The following JAKMIP2 variants were observed in gnomAD, a reference collection of about 807,000 sequenced individuals.
JAKMIP2 encodes the protein janus kinase and microtubule interacting protein 2.
A neutral mutation model predicts 115.0 loss-of-function variants in JAKMIP2; 25 were observed. That is an observed-to-expected ratio of 0.22 (90% CI 0.16 to 0.30). The LOEUF (loss-of-function observed/expected upper bound fraction) is 0.30, where lower values mean the gene tolerates loss of function less well. Ranked by LOEUF, JAKMIP2 falls within the 10% of genes least tolerant of loss-of-function variation. The probability of loss-of-function intolerance (pLI) is 1.00; values close to 1 mark genes in which losing one functional copy is unlikely to be tolerated. For synonymous variants in JAKMIP2, 334 were observed against 343.6 expected (o/e 0.97, Z 0.31); for missense variants, 642 against 957.6 (o/e 0.67, Z 4.35).
chr5:147,731,529 T>G lies in JAKMIP2; in HGVS notation c.-149+50927A>C, dbSNP rs1753733626. 2.6e-5 allele frequency among the ~76,000 whole-genome samples: 4 copies of G among 152,156 alleles called. No homozygotes were observed. In the South Asian group the frequency reaches 8.3e-4, roughly 32 times the overall value. ...GTAGCAGTTTCTCAAATAACATACT[T>G]AAGTTCGTGATCTCTTAAATTAATG... On this transcript the variant is annotated intron_variant, in intron 1 of 21. Transcript: ENST00000616793.
chr5:147,734,651 AC>A (rs1434663005), intron 1 of JAKMIP2, among the ~76,000 whole-genome samples: 9 of 143,504 alleles, frequency 6.3e-5, no homozygotes, highest in Admixed American at 3.5e-4. Flanking sequence ...ATACTATAAT[AC>A]AAAAAAAAAA....
chr5:147,760,614 C>G (rs1234227742), intron 1 of JAKMIP2, among the ~76,000 whole-genome samples: 2 of 152,006 alleles, frequency 1.3e-5, no homozygotes, highest in Admixed American at 1.3e-4. Context: ...AATGGAAGCC[C>G]AACTAGGGCA....
chr5:147,661,635 C>G (rs982057034), intron 2 of JAKMIP2, 190 bp from the exon 3 acceptor site: 2 of 586,666 alleles, frequency 3.4e-6, no homozygotes, highest in Non-Finnish European at 6.0e-6. Flanking sequence ...GAGGAAATAC[C>G]TGAGGATATT....
intron 18 of JAKMIP2, among the ~76,000 whole-genome samples, chr5:147,618,644 A>G (rs1343385518): frequency 6.6e-6 from 1 of 152,328 alleles, no homozygotes; most frequent in East Asian, 1.9e-4. Context: ...AGGCTGAGAC[A>G]GAAGAATCAC....
At chr5:147,648,182 G>A (rs1467080560) in intron 5 of JAKMIP2, among the ~76,000 whole-genome samples, 194 bp downstream of exon 5, 1 of 152,200 alleles carries the variant, frequency 6.6e-6, no homozygotes, top group Non-Finnish European at 1.5e-5. Flanking sequence ...GCGGGGGTGT[G>A]AGATGCTGGT....
At position 147,690,539 on chromosome 5, in the gene JAKMIP2, TTATATATATATATATATA is replaced by T. The variant is rs58086292; in HGVS notation, c.-148-18603_-148-18586del. Among the ~76,000 whole-genome samples, 195 of 92,270 alleles carry T rather than the reference TTATATATATATATATATA, an allele frequency of 2.1e-3. 2 individuals are homozygous for T. Among genetic ancestry groups the T allele is most frequent in the African/African-American group, 5.3e-3 (153 of 28,856 alleles). The allele number at this position is 92,270 out of a possible 152,430, so 60.5% of individuals were successfully genotyped here. A position where few individuals can be genotyped will look rare whatever the true frequency, so the allele number is the denominator to read the frequency against. ...TCATTCATGTAAAAAACTAAAGAGATTATATATATATATATATATATATATATATATATATATATATAT... is the reference window on the plus strand; with the variant it reads ...TCATTCATGTAAAAAACTAAAGAGATTATATATATATATATATATATATAT... On this transcript the variant is annotated intron_variant, in intron 1 of 21. Transcript: ENST00000616793.
chr5:147,748,275 A>G (rs1754423271), intron 1 of JAKMIP2, among the ~76,000 whole-genome samples: 1 of 151,376 alleles, frequency 6.6e-6, no homozygotes, highest in Non-Finnish European at 1.5e-5. Context: ...ATGTGAAATA[A>G]TATATATATA....
chr5:147,603,984 G>A (rs1169615255), intron 20 of JAKMIP2, among the ~76,000 whole-genome samples: 1 of 152,112 alleles, frequency 6.6e-6, no homozygotes, highest in Non-Finnish European at 1.5e-5. Context: ...TTTGGGGGAA[G>A]AATAGCCTTA....
chr5:147,753,104 C>A (rs1203842283), intron 1 of JAKMIP2, among the ~76,000 whole-genome samples: 1 of 152,118 alleles, frequency 6.6e-6, no homozygotes, highest in Admixed American at 6.6e-5. Context: ...GGATGCTAAA[C>A]CACAAACTCT....
rs1164634821 is a variant in JAKMIP2 at position 147,586,031 on chromosome 5, C to G, written c.*5676G>C. Reference sequence around the variant, plus strand: ...AAAAACCTATTTGCTGGTTTATGGGCCTGGATAATTGAAAAACCGAGTGGT... The same window carrying G: ...AAAAACCTATTTGCTGGTTTATGGGGCTGGATAATTGAAAAACCGAGTGGT... On this transcript the variant is annotated 3_prime_UTR_variant, in exon 22 of 22. Coordinates refer to ENST00000616793, the MANE Select transcript of JAKMIP2 (RefSeq NM_001270941.2). 6.6e-6 allele frequency: 1 copy of G among 151,492 alleles called. No individual in the cohort carries two copies. Among genetic ancestry groups the G allele is most frequent in the Non-Finnish European group, 1.5e-5 (1 of 67,966 alleles). 9.4% of individuals were successfully genotyped at this position (151,492 alleles called of 1,614,324 possible). A position where few individuals can be genotyped will look rare whatever the true frequency, so the allele number is the denominator to read the frequency against.
chr5:147,764,980 G>GAA lies in JAKMIP2; in HGVS notation c.-149+17475_-149+17476insTT, dbSNP rs1755095649. Among the ~76,000 whole-genome samples the GAA allele has an allele frequency of 8.1e-5, 9 of 111,510 alleles. No individual in the cohort carries two copies. In the Admixed American group the frequency reaches 9.5e-4, roughly 12 times the overall value. The allele number at this position is 111,510 out of a possible 152,430, so 73.2% of individuals were successfully genotyped here. On this transcript the variant is annotated intron_variant, in intron 1 of 21. Transcript: ENST00000616793. Reference sequence around the variant, plus strand: ...AGAGAGAGAGAGGGGGAGAGAGAGAGAGAGAGAGAGGGAGAGAGAGAGAGA... The same window carrying GAA: ...AGAGAGAGAGAGGGGGAGAGAGAGAGAAAGAGAGAGAGGGAGAGAGAGAGAGA...
chr5:147,612,330 T>C lies in JAKMIP2; in HGVS notation c.2388A>G (p.Arg796=), dbSNP rs778411368. 10 of 1,559,842 alleles carry C rather than the reference T, an allele frequency of 6.4e-6. No homozygotes were observed. The East Asian group carries it at 2.0e-4, about 31-fold the overall frequency. Residue 796 remains arginine, a synonymous_variant, in exon 20 of 22, where the codon AGA becomes AGG. Transcript: ENST00000616793. ...CCTTTTCTTCTAAGTCTTTTATTTG[T>C]CTTTTCTGGATGTCTGTTTTATCTT... The part of the protein sequence containing the change: ...DLEDKTDIQK[R]QIKDLEEKFL...
At chr5:147,679,852 C>T (rs770172566) in intron 1 of JAKMIP2, among the ~76,000 whole-genome samples, 10 of 149,770 alleles carry the variant, frequency 6.7e-5, no homozygotes, top group Non-Finnish European at 1.3e-4. Flanking sequence ...CTCTGGTTGC[C>T]GACAGGCTAC....
intron 1 of JAKMIP2, among the ~76,000 whole-genome samples, chr5:147,696,803 G>T (rs949118066): frequency 2.0e-5 from 3 of 152,194 alleles, no homozygotes; most frequent in African/African-American, 7.2e-5. Context: ...CTCAGATGGA[G>T]ATGAGGAACT....
In JAKMIP2 at chr5:147,637,041, T is replaced by A. The variant is rs1414731831; in HGVS notation, c.1538A>T (p.Glu513Val). 1.1e-6 allele frequency: 1 copy of A among 872,844 alleles called. No homozygotes were observed. The highest frequency in any genetic ancestry group is 2.0e-6 in the Non-Finnish European group (1 of 501,656). 54.1% of individuals were successfully genotyped at this position (872,844 alleles called of 1,614,324 possible). ...CCTTAGCACCTCTGCTTGGAGCTGTTCTTGAGCCTGGTGAAACCAAAATTC... is the reference window on the plus strand; with the variant it reads ...CCTTAGCACCTCTGCTTGGAGCTGTACTTGAGCCTGGTGAAACCAAAATTC... ...IDAEREAKAQ[E>V]QLQAEVLRYK... The change falls in exon 11 of 22, where the codon GAA becomes GTA. Residue 513 changes from glutamate (E) to valine (V), a missense_variant. Around this residue, in one of 6 missense-constraint regions of JAKMIP2, gnomAD observed 103 missense variants for 177.6 expected, o/e 0.58. Transcript: ENST00000616793.
intron 1 of JAKMIP2, among the ~76,000 whole-genome samples, chr5:147,770,158 A>AT (rs1253410684): frequency 6.6e-6 from 1 of 151,636 alleles, no homozygotes; most frequent in East Asian, 1.9e-4. Context: ...AATCTTACAT[A>AT]TTTTTTCTAT....
At chr5:147,639,838 G>T in intron 9 of JAKMIP2, 78 bp from the exon 10 acceptor site, 9 of 1,515,528 alleles carry the variant, frequency 5.9e-6, no homozygotes, top group Non-Finnish European at 6.3e-6. Flanking sequence ...ATTAACATTT[G>T]CCCACTTTTT....
intron 1 of JAKMIP2, among the ~76,000 whole-genome samples, chr5:147,691,194 C>A (rs1168807692): frequency 2.0e-5 from 3 of 152,008 alleles, no homozygotes; most frequent in Non-Finnish European, 2.9e-5. Flanking sequence ...AACACTGTTA[C>A]CCATAAACCA....
rs1754947250 is a variant in JAKMIP2 at position 147,588,043 on chromosome 5, T to C, written c.*3664A>G. The C allele has an allele frequency of 1.3e-5, 2 of 151,894 alleles. No homozygotes were observed. The highest frequency in any genetic ancestry group is 2.9e-5 in the Non-Finnish European group (2 of 67,982). 9.4% of individuals were successfully genotyped at this position (151,894 alleles called of 1,614,324 possible). On this transcript the variant is annotated 3_prime_UTR_variant, in exon 22 of 22. Transcript: ENST00000616793. ...ATTTATATAGCATAAGTCAGAAGGG[T>C]TGTAATTTTTTTCAGCAAATTCTAT...
Sources: gnomAD v4.1 joint callset for allele counts (sites outside exome capture counted in the v4.1 genomes callset) on GRCh38, gnomAD v4.1.1 for gene constraint, gnomAD v4.1.1 regional missense constraint, MANE v1.5 for transcripts, NCBI Gene and HGNC (gene_info 2026-07-23, HGNC 2026-07-21) for gene names.